DIAPH3: variants seen among roughly 807,000 people sequenced by gnomAD.
DIAPH3 encodes protein diaphanous homolog 3.
A neutral mutation model predicts 144.3 loss-of-function variants in DIAPH3; 117 were observed. The observed-to-expected ratio is 0.81, with a 90% CI of 0.70 to 0.95. The LOEUF (loss-of-function observed/expected upper bound fraction) is 0.95, where lower values mean the gene tolerates loss of function less well. DIAPH3 is among the 40% of genes least tolerant of loss of function. The probability of loss-of-function intolerance (pLI) is 0.00; values close to 1 mark genes in which losing one functional copy is unlikely to be tolerated. For synonymous variants in DIAPH3, 519 were observed against 488.9 expected, an observed-to-expected ratio of 1.06 and a Z score of -0.81; for missense variants, 1,421 against 1,412.7, an observed-to-expected ratio of 1.01 and a Z score of -0.09.
At chr13:59,912,942 G>A (rs1295254101) in intron 19 of DIAPH3, among the ~76,000 whole-genome samples, 1 of 151,988 alleles carries the variant, frequency 6.6e-6, no homozygotes, top group Non-Finnish European at 1.5e-5. Flanking sequence ...AAAAAAAGTG[G>A]CATTTTAAGA....
At position 59,719,166 on chromosome 13, in the gene DIAPH3, AT is replaced by A. The variant is rs376099788; in HGVS notation, c.3320-52321del. Among the ~76,000 whole-genome samples the A allele has an allele frequency of 2.6e-3, 394 of 152,158 alleles. 2 individuals carry two copies. Among genetic ancestry groups the A allele is most frequent in the African/African-American group, 8.8e-3 (367 of 41,530 alleles). ...CCATATAAAGCCTTCCTTCCAGAAT[AT>A]TTTTTCCTTTGAAAGTAAGCCATAA... is the stretch of plus-strand genomic sequence containing the variant. On this transcript the variant is annotated intron_variant, in intron 27 of 27. Coordinates refer to ENST00000400324, the MANE Select transcript of DIAPH3 (RefSeq NM_001042517.2).
At chr13:59,696,124 C>T (rs1030001384) in intron 27 of DIAPH3, 7 of 152,164 alleles carry the variant, frequency 4.6e-5, no homozygotes, top group Non-Finnish European at 1.0e-4. Context: ...CAATCCCATT[C>T]ACTAGCTTCT....
chr13:59,917,966 T>C (rs1484152488), intron 18 of DIAPH3, among the ~76,000 whole-genome samples: 6 of 95,530 alleles, frequency 6.3e-5, no homozygotes, highest in Admixed American at 4.3e-4. Context: ...TAGTAGACAA[T>C]AGAACATGCA....
chr13:59,969,248 T>C (rs537593313), intron 17 of DIAPH3, among the ~76,000 whole-genome samples: 4 of 152,194 alleles, frequency 2.6e-5, no homozygotes, highest in Non-Finnish European at 4.4e-5. Flanking sequence ...GGAAAATGAA[T>C]GCCATTGCTT....
intron 5 of DIAPH3, chr13:60,034,762 C>G (rs1186784979): frequency 6.6e-6 from 1 of 152,268 alleles, no homozygotes. Flanking sequence ...CCATGCCCAG[C>G]TCAAATAATT....
chr13:59,823,878 T>C (rs542151050), intron 24 of DIAPH3, among the ~76,000 whole-genome samples: 15 of 152,290 alleles, frequency 9.8e-5, no homozygotes, highest in African/African-American at 3.6e-4. Context: ...GTTTGGCACT[T>C]CACTACTTTA....
At chr13:59,680,290 G>T (rs1398789938) in intron 27 of DIAPH3, among the ~76,000 whole-genome samples, 1 of 151,368 alleles carries the variant, frequency 6.6e-6, no homozygotes, top group Non-Finnish European at 1.5e-5. Context: ...AGCCTATGAC[G>T]TGTTGTTGAA....
At chr13:59,833,522 G>A (rs2041891877) in intron 23 of DIAPH3, among the ~76,000 whole-genome samples, 1 of 151,584 alleles carries the variant, frequency 6.6e-6, no homozygotes, top group Admixed American at 6.6e-5. Context: ...TCTTTAACAA[G>A]TTTAAAAAAT....
chr13:60,163,668 G>C lies in DIAPH3; in HGVS notation c.99C>G (p.Ser33Arg), dbSNP rs776871596. ...GGGGGCCCTTCCTGCGCGGCATCTT[G>C]CTTTCCCGGCAGCCGCGGAGAGAGG... ...SSASLRGCRE[S>R]KMPRRKGPQH... is the part of the protein sequence containing the mutation. The change falls in exon 1 of 28, where the codon AGC becomes AGG. Residue 33 changes from serine (S) to arginine (R), a missense_variant. By Grantham distance (110) the Ser-to-Arg change is moderately radical (BLOSUM62 -1). Coordinates refer to ENST00000400324, the MANE Select transcript of DIAPH3 (RefSeq NM_001042517.2). 11 of 1,607,850 alleles carry C rather than the reference G, an allele frequency of 6.8e-6. No individual in the cohort carries two copies. Among genetic ancestry groups the C allele is most frequent in the Non-Finnish European group, 9.4e-6 (11 of 1,175,650 alleles).
intron 25 of DIAPH3, among the ~76,000 whole-genome samples, chr13:59,792,119 T>C (rs2039359040): frequency 6.6e-6 from 1 of 152,202 alleles, no homozygotes; most frequent in African/African-American, 2.4e-5. Context: ...GGGCTCTACT[T>C]GGAAACTGGA....
intron 22 of DIAPH3, among the ~76,000 whole-genome samples, chr13:59,852,381 GAAATGAAA>G (rs1429205468): frequency 1.3e-5 from 2 of 152,134 alleles, no homozygotes; most frequent in African/African-American, 4.8e-5. Context: ...ATTCTTGGCT[GAAATGAAA>G]AAATTTCTTT....
chr13:59,666,963 A>C (rs2032054971), intron 27 of DIAPH3, 117 bp from the exon 28 acceptor site: 1 of 1,236,648 alleles, frequency 8.1e-7, no homozygotes. Context: ...TCTTAGATAG[A>C]CTAAACAAAG....
intron 18 of DIAPH3, 63 bp downstream of exon 18, chr13:59,924,712 A>C (rs2047675772): frequency 6.4e-7 from 1 of 1,560,528 alleles, no homozygotes; most frequent in South Asian, 1.2e-5. Context: ...GTCTTAAAGA[A>C]AATGAAATCA....
chr13:59,946,213 T>G (rs902757069), intron 17 of DIAPH3, among the ~76,000 whole-genome samples: 1 of 152,182 alleles, frequency 6.6e-6, no homozygotes, highest in Non-Finnish European at 1.5e-5. Flanking sequence ...AATCTTCCAC[T>G]TTTTTGTACT....
intron 20 of DIAPH3, among the ~76,000 whole-genome samples, chr13:59,896,182 A>G (rs991278114): frequency 6.6e-6 from 1 of 152,188 alleles, no homozygotes; most frequent in East Asian, 1.9e-4. Context: ...TCTATTCTAT[A>G]TGAGTTTCTG....
chr13:60,138,285 T>C (rs530978100), intron 1 of DIAPH3, among the ~76,000 whole-genome samples: 1 of 152,294 alleles, frequency 6.6e-6, no homozygotes, highest in South Asian at 2.1e-4. Context: ...AAGTCATGCC[T>C]GTAATGATGT....
intron 21 of DIAPH3, among the ~76,000 whole-genome samples, chr13:59,874,127 C>T (rs185258854): frequency 5.9e-5 from 9 of 152,210 alleles, no homozygotes; most frequent in East Asian, 3.9e-4. Context: ...GAAGACCAAG[C>T]GATTCACATT....
intron 23 of DIAPH3, among the ~76,000 whole-genome samples, chr13:59,833,926 C>T (rs79656990): frequency 2.0e-5 from 3 of 151,396 alleles, no homozygotes; most frequent in East Asian, 1.9e-4. Context: ...TAAAAGCAAA[C>T]AAAATTTTAA....
chr13:60,140,220 T>C (rs1336102061), intron 1 of DIAPH3, among the ~76,000 whole-genome samples: 2 of 152,222 alleles, frequency 1.3e-5, no homozygotes, highest in African/African-American at 4.8e-5. Flanking sequence ...AAAGATTTTG[T>C]TTATATTTCA....
Sources: gnomAD v4.1 joint callset for allele counts (sites outside exome capture counted in the v4.1 genomes callset) on GRCh38, gnomAD v4.1.1 for gene constraint, MANE v1.5 for transcripts, NCBI Gene and HGNC (gene_info 2026-07-23, HGNC 2026-07-21) for gene names.